Variants in VSNL1 observed in about 807,000 individuals in gnomAD.
The protein encoded by VSNL1 is visinin-like protein 1.
In VSNL1, 6 loss-of-function variants were observed where a neutral mutation model predicts 20.4. That is an observed-to-expected ratio of 0.29 (90% CI 0.16 to 0.58). The LOEUF is 0.58. Among genes scored for constraint, VSNL1 ranks in the 20% least tolerant of loss-of-function variants. The pLI is 0.90. For missense variants in VSNL1, 100 were observed against 234.5 expected, an observed-to-expected ratio of 0.43 and a Z score of 3.75; for synonymous variants, 93 against 86.4, an observed-to-expected ratio of 1.08 and a Z score of -0.42.
chr2:17,575,448 C>A (rs1324737824), intron 1 of VSNL1, among the ~76,000 whole-genome samples: 1 of 152,220 alleles, frequency 6.6e-6, no homozygotes, highest in African/African-American at 2.4e-5. Flanking sequence ...ACCTTTGTCA[C>A]TCTAGACTAC....
intron 2 of VSNL1, among the ~76,000 whole-genome samples, chr2:17,612,666 A>G (rs1488804836): frequency 6.6e-6 from 1 of 152,108 alleles, no homozygotes; most frequent in African/African-American, 2.4e-5. Context: ...ATTCAGTGTA[A>G]AGGAGGTGAG....
intron 2 of VSNL1, among the ~76,000 whole-genome samples, chr2:17,596,386 T>C (rs1430567675): frequency 1.3e-5 from 2 of 152,218 alleles, no homozygotes; most frequent in Non-Finnish European, 2.9e-5. Flanking sequence ...TCAACAATCA[T>C]TTTGATTGCC....
At chr2:17,650,518 T>C (rs935029092) in intron 3 of VSNL1, among the ~76,000 whole-genome samples, 17 of 152,180 alleles carry the variant, frequency 1.1e-4, no homozygotes, top group African/African-American at 3.6e-4. Flanking sequence ...TGATTGACTG[T>C]CTTAGCATGG....
rs538454835 is a variant in VSNL1 at position 17,649,192 on chromosome 2, C to G, written c.163-218C>G. On this transcript the variant is annotated intron_variant, in intron 2 of 3. Transcript: ENST00000295156. The surrounding 1 kb of genome is among the most constrained non-coding windows in gnomAD (Gnocchi z 6.4). ...TGAAAGCCACATGTCACCAGCCTCA[C>G]CCACAGGAAACAATGAGATGCCTGT... 6.6e-6 allele frequency among the ~76,000 whole-genome samples: 1 copy of G among 152,162 alleles called. No homozygotes were observed. Among genetic ancestry groups the G allele is most frequent in the Non-Finnish European group, 1.5e-5 (1 of 68,024 alleles).
intron 2 of VSNL1, among the ~76,000 whole-genome samples, chr2:17,615,152 T>C (rs1665186276): frequency 6.6e-6 from 1 of 152,172 alleles, no homozygotes; most frequent in Non-Finnish European, 1.5e-5. Context: ...TATATATTAA[T>C]AGAAAGATGT....
intron 1 of VSNL1, among the ~76,000 whole-genome samples, chr2:17,562,989 T>G (rs1033564951): frequency 7.2e-5 from 11 of 152,306 alleles, no homozygotes; most frequent in African/African-American, 2.4e-4. Context: ...TGACTCAACC[T>G]TGATTGCCAT....
intron 2 of VSNL1, among the ~76,000 whole-genome samples, chr2:17,622,596 GAAAGAAAA>G (rs1572205113): frequency 3.9e-5 from 5 of 128,764 alleles, no homozygotes; most frequent in African/African-American, 5.6e-5. Flanking sequence ...AAGAAAGAAA[GAAAGAAAA>G]GAAAGAAAGA....
chr2:17,637,908 G>T (rs1280211401), intron 2 of VSNL1, among the ~76,000 whole-genome samples: 1 of 152,156 alleles, frequency 6.6e-6, no homozygotes, highest in Non-Finnish European at 1.5e-5. Context: ...CCCGGACGTG[G>T]TCTCACATAA....
chr2:17,630,767 C>T (rs371660480), intron 2 of VSNL1, among the ~76,000 whole-genome samples: 3 of 152,154 alleles, frequency 2.0e-5, no homozygotes, highest in African/African-American at 7.2e-5. Context: ...TGGGGCAAAA[C>T]GGCATTTTAT....
intron 1 of VSNL1, among the ~76,000 whole-genome samples, chr2:17,579,881 A>G (rs1664310524): frequency 6.6e-6 from 1 of 152,202 alleles, no homozygotes; most frequent in African/African-American, 2.4e-5. Context: ...TTTAGTTCTT[A>G]GGCTCATTCT....
chr2:17,649,360 C>T lies in VSNL1; in HGVS notation c.163-50C>T, dbSNP rs1666073978. On this transcript the variant is annotated intron_variant, in intron 2 of 3. Transcript: ENST00000295156. This position sits in a 1 kb window ranked among gnomAD's most constrained non-coding sequence, Gnocchi z 6.4. ...CGTCATTAGGAACCTACCTCGTCGC[C>T]CCGATTCCATCCCCTCCCGACACCT... The T allele has an allele frequency of 6.3e-7, 1 of 1,584,412 alleles. No homozygotes were observed. Among genetic ancestry groups the T allele is most frequent in the Admixed American group, 1.7e-5 (1 of 59,920 alleles).
At chr2:17,600,488 G>C (rs1664799749) in intron 2 of VSNL1, among the ~76,000 whole-genome samples, 1 of 152,160 alleles carries the variant, frequency 6.6e-6, no homozygotes, top group Non-Finnish European at 1.5e-5. Context: ...TTTATCAAAA[G>C]AAAATGTGAC....
At chr2:17,628,125 A>G (rs1482197129) in intron 2 of VSNL1, among the ~76,000 whole-genome samples, 3 of 152,274 alleles carry the variant, frequency 2.0e-5, no homozygotes, top group Admixed American at 1.3e-4. Flanking sequence ...ATAGAAGTAC[A>G]AATAAAAGGT....
intron 1 of VSNL1, among the ~76,000 whole-genome samples, chr2:17,561,955 C>T (rs563082988): frequency 4.6e-5 from 7 of 152,034 alleles, no homozygotes; most frequent in Non-Finnish European, 5.9e-5. Context: ...AAGAACTTTT[C>T]GGAATAAAAA....
intron 1 of VSNL1, among the ~76,000 whole-genome samples, chr2:17,556,256 A>G (rs1663675165): frequency 6.6e-6 from 1 of 152,252 alleles, no homozygotes; most frequent in Non-Finnish European, 1.5e-5. Context: ...TGTAACGTTT[A>G]TGAACCCCTG....
chr2:17,601,922 C>T (rs189526265), intron 2 of VSNL1, among the ~76,000 whole-genome samples: 24 of 151,978 alleles, frequency 1.6e-4, no homozygotes, highest in South Asian at 4.2e-4. Context: ...AATGACAGAG[C>T]GAGACTCCAC....
At chr2:17,600,990 A>G (rs956838248) in intron 2 of VSNL1, among the ~76,000 whole-genome samples, 5 of 152,206 alleles carry the variant, frequency 3.3e-5, no homozygotes, top group Non-Finnish European at 7.3e-5. Flanking sequence ...AGGGGTCAAA[A>G]TGATAACCTT....
At chr2:17,543,245 T>C (rs1246216507) in intron 1 of VSNL1, among the ~76,000 whole-genome samples, 1 of 152,248 alleles carries the variant, frequency 6.6e-6, no homozygotes. Context: ...GACAATTTCT[T>C]TGGAATCCTT....
chr2:17,558,462 A>T (rs1036573018), intron 1 of VSNL1, among the ~76,000 whole-genome samples: 2 of 152,220 alleles, frequency 1.3e-5, no homozygotes, highest in African/African-American at 4.8e-5. Flanking sequence ...ATAATATTGC[A>T]TGGAGCTAAT....
Sources: gnomAD v4.1 joint callset for allele counts (sites outside exome capture counted in the v4.1 genomes callset) on GRCh38, gnomAD v4.1.1 for gene constraint, Gnocchi (gnomAD v3.1) non-coding constraint, MANE v1.5 for transcripts, NCBI Gene and HGNC (gene_info 2026-07-23, HGNC 2026-07-21) for gene names.